TPO: variants seen among roughly 807,000 people sequenced by gnomAD.
TPO encodes thyroid peroxidase.
TPO carries 78 observed loss-of-function variants against 96.9 expected under a neutral mutation model. That is an observed-to-expected ratio of 0.81 (90% confidence interval 0.67 to 0.97). The LOEUF (loss-of-function observed/expected upper bound fraction) is 0.97, where lower values mean the gene tolerates loss of function less well. Among genes scored for constraint, TPO ranks in the 50% least tolerant of loss-of-function variants. The pLI, the probability that TPO is intolerant of heterozygous loss-of-function variation, is 0.00. For missense variants in TPO, 1,252 were observed against 1,274.8 expected, an observed-to-expected ratio of 0.98 and a Z score of 0.27; for synonymous variants, 547 against 538.0, an observed-to-expected ratio of 1.02 and a Z score of -0.23.
intron 9 of TPO, among the ~76,000 whole-genome samples, chr2:1,486,819 G>T (rs1020403288): frequency 3.6e-4 from 55 of 152,320 alleles, no homozygotes; most frequent in African/African-American, 1.2e-3. Context: ...GAGGGCAGGG[G>T]TGCTGCAGTG....
chr2:1,386,769 T>G (rs1273872515), intron 1 of TPO, among the ~76,000 whole-genome samples: 2 of 152,212 alleles, frequency 1.3e-5, no homozygotes, highest in Admixed American at 6.5e-5. Context: ...GTTAGCTGGT[T>G]ATTTTGCTCA....
chr2:1,390,537 A>G (rs911326652), intron 1 of TPO, among the ~76,000 whole-genome samples: 1 of 152,212 alleles, frequency 6.6e-6, no homozygotes, highest in Admixed American at 6.5e-5. Context: ...TCCTTTGGGA[A>G]TATACCCAGT....
chr2:1,382,899 C>T (rs1275512058), intron 1 of TPO, among the ~76,000 whole-genome samples: 2 of 124,588 alleles, frequency 1.6e-5, no homozygotes, highest in Non-Finnish European at 3.3e-5. Context: ...ACAACAGGCC[C>T]CAGTGTGTGA....
chr2:1,499,458 G>T (rs1672662267), intron 13 of TPO, among the ~76,000 whole-genome samples: 1 of 152,082 alleles, frequency 6.6e-6, no homozygotes, highest in Non-Finnish European at 1.5e-5. Context: ...AACCAGTCTG[G>T]GTGCTCCCCA....
intron 14 of TPO, among the ~76,000 whole-genome samples, chr2:1,507,563 G>C (rs1418758844): frequency 6.6e-6 from 1 of 152,106 alleles, no homozygotes; most frequent in East Asian, 1.9e-4. Flanking sequence ...ATTTCATTGA[G>C]CAGTGGTTTG....
intron 3 of TPO, among the ~76,000 whole-genome samples, chr2:1,423,331 A>G (rs1488917425): frequency 6.6e-6 from 1 of 152,242 alleles, no homozygotes; most frequent in Non-Finnish European, 1.5e-5. Context: ...CAAGACACAA[A>G]GGAGGAGCAC....
At chr2:1,521,787 G>A (rs1361552174) in intron 15 of TPO, among the ~76,000 whole-genome samples, 1 of 152,000 alleles carries the variant, frequency 6.6e-6, no homozygotes, top group Non-Finnish European at 1.5e-5. Flanking sequence ...AAGGACCTGC[G>A]CTCCTTAGAG....
upstream of TPO, among the ~76,000 whole-genome samples, chr2:1,412,042 C>G (rs181805921): frequency 1.2e-4 from 18 of 152,168 alleles, no homozygotes; most frequent in Admixed American, 3.3e-4. Flanking sequence ...CTGTATCCCC[C>G]CTCAGGACTC....
chr2:1,438,759 G>C (rs553363617), intron 5 of TPO: 1 of 702,164 alleles, frequency 1.4e-6, no homozygotes, highest in African/African-American at 1.8e-5. Context: ...TTTGCAAACA[G>C]AAGAGAAACT....
At chr2:1,408,316 C>A (rs772965699) in intron 1 of TPO, among the ~76,000 whole-genome samples, 1 of 152,176 alleles carries the variant, frequency 6.6e-6, no homozygotes, top group Non-Finnish European at 1.5e-5. Context: ...GGAATCAGCT[C>A]CTCTCCCTGT....
At chr2:1,446,613 C>A (rs1436977122) in intron 5 of TPO, among the ~76,000 whole-genome samples, 8 of 152,114 alleles carry the variant, frequency 5.3e-5, no homozygotes, top group Non-Finnish European at 1.0e-4. Flanking sequence ...CGGGATGTGC[C>A]AGTTCAAACA....
At position 1,495,884 on chromosome 2, in the gene TPO, C is replaced by T. The variant is rs940783434; in HGVS notation, c.2007-105C>T. On this transcript the variant is annotated intron_variant, in intron 11 of 16. Transcript: ENST00000329066. ...GGGTGCTGGGGGTCTGGGCAGACGC[C>T]GCAGGAGAGGCTGGCAGCACACAGC... 4.3e-5 allele frequency: 57 copies of T among 1,323,688 alleles called. 1 individual carries two copies. Among genetic ancestry groups the T allele is most frequent in the South Asian group, 1.5e-4 (12 of 79,310 alleles). 82.0% of individuals were successfully genotyped at this position (1,323,688 alleles called of 1,614,324 possible).
intron 1 of TPO, among the ~76,000 whole-genome samples, chr2:1,397,975 C>T (rs938104940): frequency 1.3e-5 from 2 of 152,204 alleles, no homozygotes; most frequent in African/African-American, 4.8e-5. Context: ...AAAAGTACTT[C>T]CCATGCCACA....
chr2:1,443,122 C>G (rs1391367831), intron 5 of TPO, among the ~76,000 whole-genome samples: 1 of 152,246 alleles, frequency 6.6e-6, no homozygotes, highest in Non-Finnish European at 1.5e-5. Context: ...ATCTGATGAA[C>G]TACTGCAGTA....
intron 7 of TPO, among the ~76,000 whole-genome samples, chr2:1,459,922 C>A (rs1191306728): frequency 6.7e-6 from 1 of 149,262 alleles, no homozygotes; most frequent in Admixed American, 6.8e-5. Context: ...GCTGCATGTA[C>A]CTCTAACCTG....
intron 14 of TPO, chr2:1,512,590 C>A: frequency 1.5e-6 from 1 of 649,346 alleles, no homozygotes; most frequent in Non-Finnish European, 1.9e-6. Context: ...CGCCGCAGAA[C>A]ACGTCTTCCC....
At chr2:1,515,656 G>A (rs991959817) in intron 14 of TPO, among the ~76,000 whole-genome samples, 14 of 152,220 alleles carry the variant, frequency 9.2e-5, no homozygotes, top group Admixed American at 1.3e-4. Flanking sequence ...ACCTGTGTCC[G>A]GGCTGCAAAT....
chr2:1,489,700 G>A (rs1043814289), intron 10 of TPO, among the ~76,000 whole-genome samples: 1 of 152,100 alleles, frequency 6.6e-6, no homozygotes, highest in Admixed American at 6.5e-5. Context: ...GCAAATAAAC[G>A]CTGACAAGGA....
intron 5 of TPO, among the ~76,000 whole-genome samples, chr2:1,440,034 G>C (rs1665989263): frequency 3.9e-5 from 6 of 152,154 alleles, no homozygotes; most frequent in Admixed American, 3.9e-4. Flanking sequence ...ACCAGCACCT[G>C]GTTCCCCACC....
Sources: gnomAD v4.1 joint callset for allele counts (sites outside exome capture counted in the v4.1 genomes callset) on GRCh38, gnomAD v4.1.1 for gene constraint, MANE v1.5 for transcripts, NCBI Gene and HGNC (gene_info 2026-07-23, HGNC 2026-07-21) for gene names.